The following ZNF729 variants were observed in gnomAD, a reference collection of about 807,000 sequenced individuals.
ZNF729 encodes the protein zinc finger protein 729.
ZNF729 carries 15 observed loss-of-function variants against 12.2 expected under a neutral mutation model. The ratio of observed to expected loss-of-function variants is 1.23; its 90% CI spans 0.82 to 1.89. The LOEUF (loss-of-function observed/expected upper bound fraction) is 1.89, where lower values mean the gene tolerates loss of function less well. Among genes scored for constraint, ZNF729 ranks in the 40% most tolerant of loss-of-function variants. ZNF729 has a pLI of 0.00. For synonymous variants in ZNF729, 492 were observed against 476.3 expected (o/e 1.03, Z -0.43); for missense variants, 1,540 against 1,456.7 (o/e 1.06, Z -0.93).
chr19:22,294,080 G>T (rs1091180), intron 1 of ZNF729, among the ~76,000 whole-genome samples: 97,607 of 151,968 alleles, frequency 0.64, 32,364 homozygotes, highest in African/African-American at 0.81. Flanking sequence ...AGGTTATCTT[G>T]AAGGGTTTTT....
intron 1 of ZNF729, among the ~76,000 whole-genome samples, chr19:22,298,207 A>C (rs1830319926): frequency 6.6e-6 from 1 of 152,098 alleles, no homozygotes; most frequent in Non-Finnish European, 1.5e-5. Context: ...CTTCAGTAGT[A>C]TGAATATAAG....
chr19:22,292,920 T>C (rs1440431641), intron 1 of ZNF729, among the ~76,000 whole-genome samples: 1 of 152,176 alleles, frequency 6.6e-6, no homozygotes, highest in Non-Finnish European at 1.5e-5. Flanking sequence ...GGTAATTCTC[T>C]TTTTAGTTCT....
At chr19:22,310,004 ACT>A (rs575048298) in intron 3 of ZNF729, among the ~76,000 whole-genome samples, 118 of 146,192 alleles carry the variant, frequency 8.1e-4, no homozygotes, top group African/African-American at 2.9e-3. Context: ...TATTGATTTG[ACT>A]CTCTGCTTGG....
chr19:22,314,167 G>A lies in ZNF729; in HGVS notation c.750G>A (p.Thr250=), dbSNP rs376543990. ...GCAATGCCTTTAAATTTTCTTCAAC[G>A]TTCACTAAACATAAGAGAATTCATA... is the stretch of plus-strand genomic sequence containing the variant. The part of the protein sequence containing the change: ...KCGNAFKFSS[T]FTKHKRIHTG... Residue 250 remains threonine (T), a synonymous_variant, in exon 4 of 4, where the codon ACG becomes ACA. Coordinates refer to ENST00000601693, the MANE Select transcript of ZNF729 (RefSeq NM_001242680.2). 1,381 of 1,574,256 alleles carry A rather than the reference G, an allele frequency of 8.8e-4. 14 individuals are homozygous for A. In the South Asian group the frequency reaches 0.012, roughly 14 times the overall value.
chr19:22,291,378 C>T (rs1206398026), intron 1 of ZNF729, among the ~76,000 whole-genome samples: 1 of 152,086 alleles, frequency 6.6e-6, no homozygotes, highest in African/African-American at 2.4e-5. Context: ...CACAGGATTC[C>T]CACCTTCTTA....
chr19:22,296,315 T>C (rs75061982), intron 1 of ZNF729, among the ~76,000 whole-genome samples: 3,348 of 152,294 alleles, frequency 0.022, 108 homozygotes, highest in African/African-American at 0.076. Context: ...TTGTTATTGG[T>C]CTATTCAGGA....
chr19:22,292,461 C>G (rs1326689469), intron 1 of ZNF729, among the ~76,000 whole-genome samples: 2 of 152,122 alleles, frequency 1.3e-5, no homozygotes, highest in South Asian at 4.2e-4. Flanking sequence ...TTTTTGGAGA[C>G]TGGGTCTCAC....
chr19:22,312,114 C>G (rs140335487), intron 3 of ZNF729, among the ~76,000 whole-genome samples: 1 of 152,070 alleles, frequency 6.6e-6, no homozygotes, highest in Non-Finnish European at 1.5e-5. Flanking sequence ...GAGGTATCCT[C>G]ATTTTTTTCA....
chr19:22,296,163 CCTT>C (rs1292102645), intron 1 of ZNF729, among the ~76,000 whole-genome samples: 1 of 152,084 alleles, frequency 6.6e-6, no homozygotes, highest in Non-Finnish European at 1.5e-5. Flanking sequence ...AGGAGGAGTC[CCTT>C]CTTCTCAATT....
intron 3 of ZNF729, among the ~76,000 whole-genome samples, chr19:22,306,727 TTTG>T (rs1171848458): frequency 1.3e-5 from 2 of 151,326 alleles, no homozygotes; most frequent in African/African-American, 2.4e-5. Flanking sequence ...TATTTTCCAG[TTTG>T]TTATTAATAT....
intron 1 of ZNF729, among the ~76,000 whole-genome samples, chr19:22,291,500 C>A (rs575639449): frequency 7.1e-6 from 1 of 140,678 alleles, no homozygotes; most frequent in Non-Finnish European, 1.6e-5. Context: ...CAAAAACTCA[C>A]AAAAGTGTCT....
intron 1 of ZNF729, among the ~76,000 whole-genome samples, chr19:22,297,968 G>A (rs112038831): frequency 0.027 from 3,490 of 130,594 alleles, 144 homozygotes; most frequent in African/African-American, 0.099. Context: ...TCACCCCATC[G>A]CACTCTGGCC....
intron 1 of ZNF729, among the ~76,000 whole-genome samples, chr19:22,295,038 T>TGTGTG (rs1568571621): frequency 0.061 from 8,845 of 144,034 alleles, 328 homozygotes; most frequent in East Asian, 0.1. Context: ...TCCTAGATAT[T>TGTGTG]TGTGTGTGTG....
Position 22,286,483 on chromosome 19 carries a change from C to G in ZNF729, c.-43C>G. 3 of 1,612,306 alleles carry G rather than the reference C, an allele frequency of 1.9e-6. No individual in the cohort carries two copies. Among genetic ancestry groups the G allele is most frequent in the African/African-American group, 1.3e-5 (1 of 74,744 alleles). On this transcript the variant is annotated 5_prime_UTR_variant, in exon 1 of 4. Coordinates refer to ENST00000601693, the MANE Select transcript of ZNF729 (RefSeq NM_001242680.2). ...CTTCACTGCTGTGTGTCCTCAGCCTCTGTGGCCCTGTAACCTGCGGCATTG... is the reference window on the plus strand; with the variant it reads ...CTTCACTGCTGTGTGTCCTCAGCCTGTGTGGCCCTGTAACCTGCGGCATTG...
At chr19:22,310,215 C>G (rs1205036423) in intron 3 of ZNF729, among the ~76,000 whole-genome samples, 2 of 151,892 alleles carry the variant, frequency 1.3e-5, no homozygotes, top group African/African-American at 4.8e-5. Flanking sequence ...TTTCTGCTTG[C>G]TCTGGCTAAG....
intron 3 of ZNF729, among the ~76,000 whole-genome samples, chr19:22,307,531 G>A (rs1968394923): frequency 6.6e-6 from 1 of 151,052 alleles, no homozygotes; most frequent in Admixed American, 6.6e-5. Context: ...ATCACCTGGG[G>A]TATGGAGTTT....
chr19:22,304,777 C>A lies in ZNF729; in HGVS notation c.247C>A (p.Pro83Thr), dbSNP rs1370703048. The A allele has an allele frequency of 5.0e-6, 8 of 1,612,278 alleles. No individual in the cohort carries two copies. The highest frequency in any genetic ancestry group is 6.8e-6 in the Non-Finnish European group (8 of 1,179,166). The change falls in exon 3 of 4, where the codon CCC becomes ACC. Residue 83 changes from proline to threonine, a missense_variant. Coordinates refer to ENST00000601693, the MANE Select transcript of ZNF729 (RefSeq NM_001242680.2). ...GAAGAGACATGAGATGGTAACTAAACCCCCAGGTATGTGAGAGTGAATACA... is the reference window on the plus strand; with the variant it reads ...GAAGAGACATGAGATGGTAACTAAAACCCCAGGTATGTGAGAGTGAATACA... ...NMKRHEMVTK[P>T]PVMRSHFTQD...
intron 3 of ZNF729, 34 bp downstream of exon 3, chr19:22,304,817 T>A: frequency 6.2e-7 from 1 of 1,602,334 alleles, no homozygotes; most frequent in South Asian, 1.1e-5. Flanking sequence ...ACAACACAGA[T>A]AAGAGGTCCA....
intron 1 of ZNF729, among the ~76,000 whole-genome samples, chr19:22,302,456 G>GAACAGGAA (rs375998713): frequency 6.6e-6 from 1 of 151,870 alleles, no homozygotes; most frequent in African/African-American, 2.4e-5. Flanking sequence ...GGATGTTTAT[G>GAACAGGAA]TTTATTTCTA....
Sources: gnomAD v4.1 joint callset for allele counts (sites outside exome capture counted in the v4.1 genomes callset) on GRCh38, gnomAD v4.1.1 for gene constraint, MANE v1.5 for transcripts, NCBI Gene and HGNC (gene_info 2026-07-23, HGNC 2026-07-21) for gene names.